Variants in AKAP6 observed in about 807,000 individuals in gnomAD.
The protein encoded by AKAP6 is A-kinase anchoring protein 6.
In AKAP6, 58 loss-of-function variants were observed where a neutral mutation model predicts 188.5. That is an observed-to-expected ratio of 0.31 (90% CI 0.25 to 0.38). AKAP6 has a LOEUF of 0.38. AKAP6 is among the 10% of genes least tolerant of loss of function. The pLI is 1.00. For synonymous variants in AKAP6, 989 were observed against 998.6 expected, an observed-to-expected ratio of 0.99 and a Z score of 0.18; for missense variants, 2,710 against 2,740.0, an observed-to-expected ratio of 0.99 and a Z score of 0.24.
intron 1 of AKAP6, among the ~76,000 whole-genome samples, chr14:32,346,323 C>T (rs572959032): frequency 1.3e-5 from 2 of 152,242 alleles, no homozygotes; most frequent in Admixed American, 1.3e-4. Flanking sequence ...AGCACATTAC[C>T]AAAAATGTTA....
intron 1 of AKAP6, among the ~76,000 whole-genome samples, chr14:32,400,580 GAC>G (rs1889054507): frequency 5.1e-5 from 1 of 19,618 alleles, no homozygotes; most frequent in East Asian, 2.0e-3. Context: ...AAAAAAAAAA[GAC>G]AGTAAGCATT....
chr14:32,438,490 G>A (rs1343945731), intron 2 of AKAP6, among the ~76,000 whole-genome samples: 1 of 152,070 alleles, frequency 6.6e-6, no homozygotes, highest in Non-Finnish European at 1.5e-5. Flanking sequence ...AAGTTCTTAG[G>A]GGAAATTTTA....
intron 4 of AKAP6, among the ~76,000 whole-genome samples, chr14:32,554,309 C>G (rs1318289688): frequency 6.6e-6 from 1 of 152,332 alleles, no homozygotes; most frequent in African/African-American, 2.4e-5. Flanking sequence ...TTGCTGACCC[C>G]TGCTCTTGAG....
intron 9 of AKAP6, among the ~76,000 whole-genome samples, chr14:32,728,815 C>A (rs1198488951): frequency 6.6e-6 from 1 of 152,110 alleles, no homozygotes; most frequent in Non-Finnish European, 1.5e-5. Flanking sequence ...TTCCATCATG[C>A]TGCCTTTTTT....
rs71432082 is a variant in AKAP6, at chr14:32,751,498, C to CTTTTT, written c.3372+15629_3372+15633dup. Among the ~76,000 whole-genome samples the CTTTTT allele has an allele frequency of 1.4e-3, 170 of 122,518 alleles. 3 individuals are homozygous for CTTTTT. The highest frequency in any genetic ancestry group is 5.4e-3 in the Middle Eastern group (1 of 184). The allele number at this position is 122,518 out of a possible 152,430, so 80.4% of individuals were successfully genotyped here. ...AGGACTAGGTATCTGTCTCTTTTCA[C>CTTTTT]TTTTTTTTTTTTTTTTTGCTGGGAA... On this transcript the variant is annotated intron_variant, in intron 11 of 13. Transcript: ENST00000280979.
intron 12 of AKAP6, among the ~76,000 whole-genome samples, chr14:32,784,669 T>C (rs756392028): frequency 6.6e-6 from 1 of 152,202 alleles, no homozygotes; most frequent in Non-Finnish European, 1.5e-5. Context: ...GTGTTACCAC[T>C]TTTAATATGT....
chr14:32,811,255 A>AAAAAG (rs546819675), intron 12 of AKAP6, among the ~76,000 whole-genome samples: 1 of 118,298 alleles, frequency 8.5e-6, no homozygotes, highest in East Asian at 2.6e-4. Flanking sequence ...AAAAAAAAAA[A>AAAAAG]AGTTGAAAAA....
chr14:32,696,280 T>G (rs981699765), intron 9 of AKAP6, among the ~76,000 whole-genome samples, 170 bp downstream of exon 9: 1 of 152,210 alleles, frequency 6.6e-6, no homozygotes, highest in African/African-American at 2.4e-5. Flanking sequence ...GCTGACAGGC[T>G]GCACCGACAT....
chr14:32,634,459 G>T (rs1315763950), intron 7 of AKAP6, among the ~76,000 whole-genome samples: 1 of 151,878 alleles, frequency 6.6e-6, no homozygotes, highest in Non-Finnish European at 1.5e-5. Context: ...CAATTTTTTT[G>T]ATAGTGTCTT....
At position 32,510,494 on chromosome 14, in the gene AKAP6, A is replaced by ATGTG. The variant is rs1566547077; in HGVS notation, c.325-25059_325-25058insGTGT. On this transcript the variant is annotated intron_variant, in intron 2 of 13. Coordinates refer to ENST00000280979, the MANE Select transcript of AKAP6 (RefSeq NM_004274.5). ...TATATATACATATATATATGTGTATATATATATATATGAAGAATTACCTAC... is the reference window on the plus strand; with the variant it reads ...TATATATACATATATATATGTGTATATGTGTATATATATATGAAGAATTACCTAC... 4.4e-5 allele frequency among the ~76,000 whole-genome samples: 6 copies of ATGTG among 137,442 alleles called. 1 individual carries two copies. Among genetic ancestry groups the ATGTG allele is most frequent in the Non-Finnish European group, 7.6e-5 (5 of 65,898 alleles). 90.2% of individuals were successfully genotyped at this position (137,442 alleles called of 152,430 possible).
At chr14:32,710,367 T>A (rs1890994792) in intron 9 of AKAP6, among the ~76,000 whole-genome samples, 2 of 152,106 alleles carry the variant, frequency 1.3e-5, no homozygotes, top group Non-Finnish European at 2.9e-5. Flanking sequence ...TGTGGCTATC[T>A]ATTTTTAATA....
chr14:32,625,182 T>G (rs1032615899), intron 7 of AKAP6, among the ~76,000 whole-genome samples: 8 of 152,140 alleles, frequency 5.3e-5, no homozygotes, highest in African/African-American at 1.9e-4. Flanking sequence ...TTGCTATTTG[T>G]AAACTGCCTA....
At chr14:32,348,408 C>CTTTTTTT (rs1235466012) in intron 1 of AKAP6, among the ~76,000 whole-genome samples, 4 of 88,724 alleles carry the variant, frequency 4.5e-5, no homozygotes, top group African/African-American at 6.5e-5. Flanking sequence ...TCTTTCTTTT[C>CTTTTTTT]TTTTGTTTCT....
intron 4 of AKAP6, among the ~76,000 whole-genome samples, chr14:32,566,055 C>G (rs1288589817): frequency 6.6e-6 from 1 of 152,172 alleles, no homozygotes; most frequent in Non-Finnish European, 1.5e-5. Context: ...GTCTCGGCAC[C>G]TGTAGGGGCT....
intron 12 of AKAP6, among the ~76,000 whole-genome samples, chr14:32,803,821 A>C (rs1030333774): frequency 6.6e-5 from 10 of 152,310 alleles, no homozygotes; most frequent in African/African-American, 2.2e-4. Flanking sequence ...TCAGTTTGTC[A>C]AAAACAAAAC....
intron 1 of AKAP6, among the ~76,000 whole-genome samples, chr14:32,396,984 G>A (rs942789524): frequency 1.3e-5 from 2 of 152,180 alleles, no homozygotes; most frequent in Non-Finnish European, 2.9e-5. Context: ...TAGGTGGAAA[G>A]TGGAAACTAG....
At chr14:32,510,451 C>CAT (rs33924445) in intron 2 of AKAP6, among the ~76,000 whole-genome samples, 1,748 of 35,470 alleles carry the variant, frequency 0.049, 64 homozygotes, top group Admixed American at 0.1. Context: ...TATATATATA[C>CAT]ATATATATGT....
chr14:32,825,916 T>C (rs2034661996), intron 13 of AKAP6, among the ~76,000 whole-genome samples: 1 of 152,174 alleles, frequency 6.6e-6, no homozygotes, highest in Non-Finnish European at 1.5e-5. Context: ...TTGTGGCAGA[T>C]TGTTTATTTT....
intron 11 of AKAP6, among the ~76,000 whole-genome samples, chr14:32,741,201 T>C (rs924345069): frequency 1.3e-5 from 2 of 152,062 alleles, no homozygotes; most frequent in Non-Finnish European, 2.9e-5. Context: ...ATAGAAACGC[T>C]ACTGATTTTG....
Sources: allele counts gnomAD v4.1 joint callset (sites outside exome capture counted in the v4.1 genomes callset), GRCh38; gene constraint gnomAD v4.1.1; transcripts MANE v1.5; gene names NCBI Gene and HGNC (gene_info 2026-07-23, HGNC 2026-07-21).